NR2C1: variants seen among roughly 807,000 people sequenced by gnomAD.
The protein encoded by NR2C1 is TR2 nuclear hormone receptor.
Under a neutral mutation model 74.8 loss-of-function variants are expected in NR2C1, and 33 were observed. That is an observed-to-expected ratio of 0.44 (90% confidence interval 0.33 to 0.59). The LOEUF (loss-of-function observed/expected upper bound fraction) is 0.59. NR2C1 is among the 20% of genes least tolerant of loss of function. The pLI, the probability that NR2C1 is intolerant of heterozygous loss-of-function variation, is 0.02. For synonymous variants in NR2C1, 225 were observed against 240.6 expected, an observed-to-expected ratio of 0.94 and a Z score of 0.60; for missense variants, 568 against 715.6, an observed-to-expected ratio of 0.79 and a Z score of 2.35.
In NR2C1 at chr12:95,052,121, C is replaced by G. The variant is rs986353754; in HGVS notation, c.784-178G>C. Among the ~76,000 whole-genome samples, 7 of 150,918 alleles carry G rather than the reference C, an allele frequency of 4.6e-5. No homozygotes were observed. In the East Asian group the frequency reaches 1.2e-3, roughly 25 times the overall value. ...GAGGAAAATACAAGTTTAAAAACATCAAGTGTATTTCTTAAGAAATGTTTA... is the reference window on the plus strand; with the variant it reads ...GAGGAAAATACAAGTTTAAAAACATGAAGTGTATTTCTTAAGAAATGTTTA... On this transcript the variant is annotated intron_variant, in intron 7 of 13. Coordinates refer to ENST00000333003, the MANE Select transcript of NR2C1 (RefSeq NM_003297.4).
At chr12:95,045,947 C>A (rs1272954352) in intron 9 of NR2C1, among the ~76,000 whole-genome samples, 1 of 152,068 alleles carries the variant, frequency 6.6e-6, no homozygotes, top group Admixed American at 6.6e-5. Flanking sequence ...TCAAGCAATT[C>A]TTCTGCCTCA....
chr12:95,042,602 G>C (rs1871712567), intron 9 of NR2C1, among the ~76,000 whole-genome samples: 1 of 152,020 alleles, frequency 6.6e-6, no homozygotes, highest in South Asian at 2.1e-4. Flanking sequence ...ACAAAGAAAA[G>C]TTACATAAAA....
chr12:95,059,881 T>C, intron 4 of NR2C1, 25 bp downstream of exon 4: 1 of 1,531,994 alleles, frequency 6.5e-7, no homozygotes, highest in Non-Finnish European at 8.8e-7. Context: ...TTTTTCTGTT[T>C]TTAGGAGGTT....
chr12:95,068,431 A>T (rs899026036), intron 1 of NR2C1, among the ~76,000 whole-genome samples: 4 of 152,172 alleles, frequency 2.6e-5, no homozygotes, highest in Non-Finnish European at 4.4e-5. Flanking sequence ...ACTCAGGCAT[A>T]AACCCAATAA....
In NR2C1 at chr12:95,022,336, A is replaced by C; in HGVS notation, c.1705T>G (p.Phe569Val). The C allele has an allele frequency of 6.2e-7, 1 of 1,613,794 alleles. No homozygotes were observed. Among genetic ancestry groups the C allele is most frequent in the Non-Finnish European group, 8.5e-7 (1 of 1,179,866 alleles). The part of the protein sequence containing the change: ...LMNATITEEL[F>V]FKGLIGNIRI... Reference sequence around the variant, plus strand: ...ATATTGCCAATGAGACCTTTGAAAAACAATTCTTCAGTGATGGTAGCATTC... The same window carrying C: ...ATATTGCCAATGAGACCTTTGAAAACCAATTCTTCAGTGATGGTAGCATTC... The change falls in exon 14 of 14, where the codon TTT (phenylalanine) becomes GTT (valine). Residue 569 changes from phenylalanine (F) to valine (V), a missense_variant. Transcript: ENST00000333003.
rs1244946011 is a variant in NR2C1, at chr12:95,062,571, T to A, written c.222A>T (p.Pro74=). The change falls in exon 3 of 14, where the codon CCA becomes CCT. Residue 74 remains proline, a synonymous_variant. Transcript: ENST00000333003. ...STPGKVFLTT[P]DAAGVNQLFF... ...ATAACTGGTTGACACCTGCTGCATC[T>A]GGAGTTGTAAGGAAAACTTTTCCCG... 2.5e-6 allele frequency: 4 copies of A among 1,613,910 alleles called. No individual in the cohort carries two copies. The highest frequency in any genetic ancestry group is 3.4e-6 in the Non-Finnish European group (4 of 1,179,898).
chr12:95,049,849 G>A (rs1453096079), intron 8 of NR2C1, among the ~76,000 whole-genome samples: 1 of 152,204 alleles, frequency 6.6e-6, no homozygotes, highest in Non-Finnish European at 1.5e-5. Context: ...AGGCTGGAGT[G>A]CAGTGGCATG....
At chr12:95,063,752 G>A (rs1036974721) in intron 2 of NR2C1, among the ~76,000 whole-genome samples, 5 of 152,002 alleles carry the variant, frequency 3.3e-5, no homozygotes, top group Non-Finnish European at 5.9e-5. Context: ...AGAGTAGGCC[G>A]GGTGCAGTGG....
chr12:95,060,004 AAAAG>A lies in NR2C1; in HGVS notation c.286-24_286-21del. ...TAGGAGCTAAAAAAAAAAAAAAAAA[AAAAG>A]AAAACAAAAACGAAAACCTGTTGTT... On this transcript the variant is annotated intron_variant, in intron 3 of 13. Transcript: ENST00000333003. The A allele has an allele frequency of 1.3e-6, 2 of 1,527,478 alleles. No individual in the cohort carries two copies. The highest frequency in any genetic ancestry group is 1.8e-6 in the Non-Finnish European group (2 of 1,140,030). 94.6% of individuals were successfully genotyped at this position (1,527,478 alleles called of 1,614,324 possible).
chr12:95,028,967 T>A (rs1317928148), intron 11 of NR2C1, among the ~76,000 whole-genome samples: 1 of 152,124 alleles, frequency 6.6e-6, no homozygotes, highest in African/African-American at 2.4e-5. Context: ...ATAACCAATC[T>A]AGAAATGTTT....
At chr12:95,067,126 T>C (rs781555070) in intron 2 of NR2C1, 17 of 588,234 alleles carry the variant, frequency 2.9e-5, no homozygotes, top group African/African-American at 2.1e-4. Flanking sequence ...TGTGCTCCCA[T>C]TGCACCTGAT....
chr12:95,030,593 C>A lies in NR2C1; in HGVS notation c.1393+756G>T, dbSNP rs1386965637. 4.3e-6 allele frequency: 7 copies of A among 1,613,114 alleles called. No individual in the cohort carries two copies. In the Admixed American group the frequency reaches 1.2e-4, roughly 27 times the overall value. Reference sequence around the variant, plus strand: ...AATGTGATGCTGCCTTCTAGTAGATCTATTTTTGATGACATTTTAAGGTGA... The same window carrying A: ...AATGTGATGCTGCCTTCTAGTAGATATATTTTTGATGACATTTTAAGGTGA... On this transcript the variant is annotated intron_variant, in intron 11 of 13. Transcript: ENST00000333003.
At chr12:95,039,454 T>G (rs1871239202) in intron 10 of NR2C1, among the ~76,000 whole-genome samples, 1 of 152,188 alleles carries the variant, frequency 6.6e-6, no homozygotes, top group Non-Finnish European at 1.5e-5. Flanking sequence ...AATAAAAACT[T>G]TCTAACTTTG....
Position 95,067,855 on chromosome 12 carries a change from A to AC in NR2C1, c.-7-465dup, listed in dbSNP as rs573192556. 3.0e-3 allele frequency among the ~76,000 whole-genome samples: 439 copies of AC among 147,134 alleles called. 1 individual carries two copies. Among genetic ancestry groups the AC allele is most frequent in the African/African-American group, 0.01 (413 of 40,084 alleles). On this transcript the variant is annotated intron_variant, in intron 1 of 13. Coordinates refer to ENST00000333003, the MANE Select transcript of NR2C1 (RefSeq NM_003297.4). ...GGTATTGGAATTATCAGCATAAGCC[A>AC]CCATGCCCACCCCTCCATGTATCTT... is the stretch of plus-strand genomic sequence containing the variant.
At chr12:95,055,509 G>C (rs780832784) in intron 7 of NR2C1, among the ~76,000 whole-genome samples, 28 of 152,170 alleles carry the variant, frequency 1.8e-4, no homozygotes, top group Non-Finnish European at 4.0e-4. Context: ...GGCACTAAGA[G>C]GTCAAATAAC....
chr12:95,057,346 C>T (rs754465192), intron 7 of NR2C1, among the ~76,000 whole-genome samples: 3 of 151,630 alleles, frequency 2.0e-5, no homozygotes, highest in Non-Finnish European at 2.9e-5. Flanking sequence ...CTCAAGCGAT[C>T]CATGTGCCTC....
intron 7 of NR2C1, among the ~76,000 whole-genome samples, chr12:95,054,503 T>C (rs533652270): frequency 3.3e-5 from 5 of 152,174 alleles, no homozygotes; most frequent in Non-Finnish European, 5.9e-5. Context: ...AGAGTCTCGC[T>C]ATGTTTCCCA....
rs75510133 is a variant in NR2C1 at position 95,031,566 on chromosome 12, C to G, written c.1254-78G>C. The G allele has an allele frequency of 1.4e-3, 1,532 of 1,100,900 alleles. 21 individuals carry two copies. The African/African-American group carries it at 0.022, about 16-fold the overall frequency. The allele number at this position is 1,100,900 out of a possible 1,614,324, so 68.2% of individuals were successfully genotyped here. A position where few individuals can be genotyped will look rare whatever the true frequency, so the allele number is the denominator to read the frequency against. ...ATAAACCTTACAGCTAGTCCAAATA[C>G]TTAAAAACAGCATATTACTAAACTA... On this transcript the variant is annotated intron_variant, in intron 10 of 13. Transcript: ENST00000333003.
intron 1 of NR2C1, among the ~76,000 whole-genome samples, chr12:95,068,130 G>A (rs1876010930): frequency 1.3e-5 from 2 of 151,774 alleles, no homozygotes; most frequent in Non-Finnish European, 1.5e-5. Flanking sequence ...TGCCTGCCTC[G>A]GCCTCCCAAA....
Sources: gnomAD v4.1 joint callset for allele counts (sites outside exome capture counted in the v4.1 genomes callset) on GRCh38, gnomAD v4.1.1 for gene constraint, MANE v1.5 for transcripts, NCBI Gene and HGNC (gene_info 2026-07-23, HGNC 2026-07-21) for gene names.